Variants in STIL observed in about 807,000 individuals in gnomAD.
STIL encodes SCL-interrupting locus protein.
A neutral mutation model predicts 110.1 loss-of-function variants in STIL; 55 were observed. The ratio of observed to expected loss-of-function variants is 0.50; its 90% confidence interval spans 0.40 to 0.63. STIL has a LOEUF of 0.63. Ranked by LOEUF, STIL falls within the 20% of genes least tolerant of loss-of-function variation. STIL has a pLI of 0.00. For missense variants in STIL, 1,358 were observed against 1,530.0 expected, an observed-to-expected ratio of 0.89 and a Z score of 1.87; for synonymous variants, 481 against 530.0, an observed-to-expected ratio of 0.91 and a Z score of 1.27.
Position 47,251,701 on chromosome 1 carries a change from G to A in STIL, c.3302C>T (p.Thr1101Ile), listed in dbSNP as rs771366802. 1.9e-6 allele frequency: 3 copies of A among 1,614,200 alleles called. No individual in the cohort carries two copies. The highest frequency in any genetic ancestry group is 2.2e-5 in the South Asian group (2 of 91,080). ...CDPFSLLHIN[T>I]DRSTVGLSLI... is the part of the protein sequence containing the mutation. ...ACTAAGCCCCACTGTGCTTCTGTCT[G>A]TATTAATATGGAGAAGGCTGAATGG... The change falls in exon 17 of 17, where the codon ACA becomes ATA. Residue 1101 changes from threonine to isoleucine, a missense_variant. Coordinates refer to ENST00000371877, the MANE Select transcript of STIL (RefSeq NM_001048166.1).
chr1:47,289,938 CAAA>C (rs59432279), intron 8 of STIL, among the ~76,000 whole-genome samples: 45 of 103,968 alleles, frequency 4.3e-4, no homozygotes, highest in Admixed American at 1.5e-3. Flanking sequence ...ACTCCGTCTC[CAAA>C]AAAAAAAAAA....
intron 12 of STIL, among the ~76,000 whole-genome samples, chr1:47,276,561 A>C (rs1463129086): frequency 6.6e-6 from 1 of 151,724 alleles, no homozygotes; most frequent in African/African-American, 2.4e-5. Context: ...TAATCCTAGC[A>C]CTCTGGGAGG....
intron 8 of STIL, among the ~76,000 whole-genome samples, chr1:47,290,636 G>A (rs943363334): frequency 1.3e-5 from 2 of 151,384 alleles, no homozygotes; most frequent in Non-Finnish European, 2.9e-5. Flanking sequence ...CCGGGAGGTG[G>A]AGCTTGCAGT....
intron 2 of STIL, among the ~76,000 whole-genome samples, chr1:47,309,308 T>C (rs1356216006): frequency 6.6e-6 from 1 of 151,996 alleles, no homozygotes; most frequent in Non-Finnish European, 1.5e-5. Context: ...AGACAAAATT[T>C]TTCTGTCAAC....
At chr1:47,278,648 G>A (rs114794921) in intron 12 of STIL, among the ~76,000 whole-genome samples, 3,213 of 152,054 alleles carry the variant, frequency 0.021, 49 homozygotes, top group South Asian at 0.062. Flanking sequence ...TTTGCTAAGT[G>A]TTTATAATGT....
intron 15 of STIL, among the ~76,000 whole-genome samples, chr1:47,261,292 G>A (rs1411726477): frequency 6.6e-6 from 1 of 151,674 alleles, no homozygotes; most frequent in Non-Finnish European, 1.5e-5. Flanking sequence ...GGAGGCTGAG[G>A]CATGAGAATC....
chr1:47,251,260 C>T lies in STIL; in HGVS notation c.3743G>A (p.Gly1248Glu). ...ACTTTCAGGAAAAATTGTAATGTCCCCTTCATTTTCTTTCTCAGGATGTTG... is the reference window on the plus strand; with the variant it reads ...ACTTTCAGGAAAAATTGTAATGTCCTCTTCATTTTCTTTCTCAGGATGTTG... ...FTQHPEKENE[G>E]DITIFPESLQ... Residue 1248 changes from glycine (G) to glutamate (E), a missense_variant, in exon 17 of 17, where the codon GGG becomes GAG. By Grantham distance (98) the Gly-to-Glu change is moderately conservative. Coordinates refer to ENST00000371877, the MANE Select transcript of STIL (RefSeq NM_001048166.1). The T allele has an allele frequency of 6.2e-7, 1 of 1,612,028 alleles. No individual in the cohort carries two copies. The highest frequency in any genetic ancestry group is 8.5e-7 in the Non-Finnish European group (1 of 1,178,582).
intron 5 of STIL, among the ~76,000 whole-genome samples, chr1:47,300,777 G>A (rs957121882): frequency 1.4e-4 from 21 of 152,222 alleles, no homozygotes; most frequent in African/African-American, 3.8e-4. Flanking sequence ...AAATAATTCC[G>A]ATTGAGCCTC....
intron 12 of STIL, among the ~76,000 whole-genome samples, chr1:47,279,643 C>T (rs1354384562): frequency 6.7e-6 from 1 of 148,444 alleles, no homozygotes; most frequent in Non-Finnish European, 1.5e-5. Context: ...GCAGGAAGAT[C>T]ACTTGAACTT....
intron 13 of STIL, among the ~76,000 whole-genome samples, chr1:47,270,944 G>A (rs1644817781): frequency 6.6e-6 from 1 of 151,988 alleles, no homozygotes; most frequent in Admixed American, 6.6e-5. Context: ...CTCCCAAAGT[G>A]CAAACATTAT....
intron 8 of STIL, among the ~76,000 whole-genome samples, chr1:47,292,807 CAT>C: frequency 6.6e-6 from 1 of 152,290 alleles, no homozygotes; most frequent in Middle Eastern, 3.4e-3. Context: ...TAGATATTTA[CAT>C]ATGTCAATTT....
At chr1:47,260,602 G>A in intron 15 of STIL, 63 bp from the exon 16 acceptor site, 1 of 1,533,900 alleles carries the variant, frequency 6.5e-7, no homozygotes, top group Non-Finnish European at 9.0e-7. Context: ...GCTGGGTGTG[G>A]TGGTTCACAC....
chr1:47,279,390 G>C (rs556669237), intron 12 of STIL, among the ~76,000 whole-genome samples: 61 of 152,092 alleles, frequency 4.0e-4, no homozygotes, highest in African/African-American at 1.5e-3. Flanking sequence ...TGTTCCCATT[G>C]GTGCTGGGGA....
intron 15 of STIL, among the ~76,000 whole-genome samples, chr1:47,261,278 T>C (rs1291339802): frequency 7.2e-6 from 1 of 138,860 alleles, no homozygotes; most frequent in East Asian, 2.2e-4. Flanking sequence ...GTCCCGGCTA[T>C]TTGGGAGGCT....
chr1:47,299,727 T>C (rs1171097402), intron 6 of STIL, 178 bp downstream of exon 6: 4 of 721,944 alleles, frequency 5.5e-6, no homozygotes, highest in Non-Finnish European at 8.7e-6. Context: ...TGGCACAACT[T>C]AAAGAAAATT....
chr1:47,282,770 A>G, intron 10 of STIL: 1 of 291,574 alleles, frequency 3.4e-6, no homozygotes, highest in Non-Finnish European at 6.6e-6. Context: ...AACAAGTAAG[A>G]CTTAGTACTT....
intron 15 of STIL, among the ~76,000 whole-genome samples, 181 bp from the exon 16 acceptor site, chr1:47,260,720 T>C (rs1557707472): frequency 6.6e-6 from 1 of 151,952 alleles, no homozygotes; most frequent in Non-Finnish European, 1.5e-5. Flanking sequence ...AAACTAAAAA[T>C]TAGCTGGGCA....
At chr1:47,307,452 G>T (rs907757671) in intron 2 of STIL, among the ~76,000 whole-genome samples, 52 of 152,118 alleles carry the variant, frequency 3.4e-4, no homozygotes, top group Non-Finnish European at 7.1e-4. Context: ...TGTCTTTACT[G>T]CAATCTCTAA....
Position 47,280,690 on chromosome 1 carries a change from G to T in STIL, c.1768C>A (p.Pro590Thr), listed in dbSNP as rs771005492. Residue 590 changes from proline to threonine, a missense_variant, in exon 12 of 17, where the codon CCT becomes ACT. By Grantham distance (38) the Pro-to-Thr change is conservative. Transcript: ENST00000371877. ...NSGRPMELQIPTPPLPSYCST... is the reference protein window; with the variant it reads ...NSGRPMELQITTPPLPSYCST... ...CAGTAAGATGGCAGTGGGGGAGTAGGTATCTGAAGTTCCATTGGTCTTCCT... is the reference window on the plus strand; with the variant it reads ...CAGTAAGATGGCAGTGGGGGAGTAGTTATCTGAAGTTCCATTGGTCTTCCT... The T allele has an allele frequency of 1.2e-6, 2 of 1,614,196 alleles. No individual in the cohort carries two copies. The highest frequency in any genetic ancestry group is 1.7e-6 in the Non-Finnish European group (2 of 1,180,042).
Sources: gnomAD v4.1 joint callset for allele counts (sites outside exome capture counted in the v4.1 genomes callset) on GRCh38, gnomAD v4.1.1 for gene constraint, MANE v1.5 for transcripts, NCBI Gene and HGNC (gene_info 2026-07-23, HGNC 2026-07-21) for gene names.